DCLRE1C: variants seen among roughly 807,000 people sequenced by gnomAD.
The protein encoded by DCLRE1C is DNA cross-link repair 1C.
A neutral mutation model predicts 61.4 loss-of-function variants in DCLRE1C; 47 were observed. The ratio of observed to expected loss-of-function variants is 0.77; its 90% confidence interval spans 0.61 to 0.98. The LOEUF (loss-of-function observed/expected upper bound fraction) is 0.98. Ranked by LOEUF, DCLRE1C falls within the 50% of genes least tolerant of loss-of-function variation. The pLI, the probability that DCLRE1C is intolerant of heterozygous loss-of-function variation, is 0.00. For missense variants in DCLRE1C, 858 were observed against 816.0 expected, an observed-to-expected ratio of 1.05 and a Z score of -0.63; for synonymous variants, 337 against 287.6, an observed-to-expected ratio of 1.17 and a Z score of -1.74.
chr10:14,922,928 T>C lies in DCLRE1C; in HGVS notation c.1061+53A>G. 8 of 1,294,886 alleles carry C rather than the reference T, an allele frequency of 6.2e-6. 1 individual carries two copies. In the Admixed American group the frequency reaches 1.3e-4, roughly 22 times the overall value. The allele number at this position is 1,294,886 out of a possible 1,614,324, so 80.2% of individuals were successfully genotyped here. ...TTCAGGCAAACTCTCCTTTGTGTCCTAGCCAAGAGCCACCAAGGGGGACAC... is the reference window on the plus strand; with the variant it reads ...TTCAGGCAAACTCTCCTTTGTGTCCCAGCCAAGAGCCACCAAGGGGGACAC... On this transcript the variant is annotated intron_variant, in intron 12 of 13. Transcript: ENST00000378278.
At chr10:14,925,871 T>C (rs1281428762) in intron 11 of DCLRE1C, among the ~76,000 whole-genome samples, 4 of 152,220 alleles carry the variant, frequency 2.6e-5, no homozygotes, top group Non-Finnish European at 5.9e-5. Flanking sequence ...CATCTTGAAC[T>C]GTAGCTTCCA....
chr10:14,934,524 G>A lies in DCLRE1C; in HGVS notation c.538-4C>T, dbSNP rs1049747642. ...AGACTCCACTTAAACACTCCTCCTA[G>A]ACAGGATTTTAAAGAGACATTTAAC... is the stretch of plus-strand genomic sequence containing the variant. On this transcript the variant is annotated splice_region_variant and splice_polypyrimidine_tract_variant and intron_variant, in intron 7 of 13. Coordinates refer to ENST00000378278, the MANE Select transcript of DCLRE1C (RefSeq NM_001033855.3). The A allele has an allele frequency of 3.1e-6, 5 of 1,614,016 alleles. No individual in the cohort carries two copies. The highest frequency in any genetic ancestry group is 1.7e-5 in the Admixed American group (1 of 59,988).
At chr10:14,925,277 T>TCACTACTACTTCTCAGAGATGAAATGGCC (rs1837783576) in intron 11 of DCLRE1C, among the ~76,000 whole-genome samples, 1 of 149,962 alleles carries the variant, frequency 6.7e-6, no homozygotes, top group African/African-American at 2.5e-5. Context: ...CAGAAATGGT[T>TCACTACTACTTCTCAGAGATGAAATGGCC]CACTACTACT....
intron 4 of DCLRE1C, among the ~76,000 whole-genome samples, chr10:14,937,936 G>T (rs895723183): frequency 5.4e-4 from 82 of 151,426 alleles, no homozygotes; most frequent in African/African-American, 1.9e-3. Context: ...CCTGGATGAG[G>T]CCTGGTCCCG....
At chr10:14,902,603 G>T, downstream of DCLRE1C, 2 of 762,480 alleles carry the variant, frequency 2.6e-6, no homozygotes, top group East Asian at 2.9e-5. Context: ...TTATTATCAA[G>T]GTTCTACCTA....
At chr10:14,922,936 A>G (rs942283647) in intron 12 of DCLRE1C, 45 bp downstream of exon 12, 1 of 1,370,160 alleles carries the variant, frequency 7.3e-7, no homozygotes, top group Non-Finnish European at 1.0e-6. Context: ...CCTAGCCAAG[A>G]GCCACCAAGG....
chr10:14,940,582 C>A (rs1046361869), intron 3 of DCLRE1C, among the ~76,000 whole-genome samples: 1 of 152,042 alleles, frequency 6.6e-6, no homozygotes, highest in African/African-American at 2.4e-5. Context: ...GCCACCACAC[C>A]CAGCCTCATG....
intron 1 of DCLRE1C, among the ~76,000 whole-genome samples, chr10:14,950,425 G>A (rs960249412): frequency 2.7e-5 from 4 of 147,104 alleles, no homozygotes; most frequent in East Asian, 2.0e-4. Flanking sequence ...TAATTACCAC[G>A]AGCACCACCA....
intron 13 of DCLRE1C, among the ~76,000 whole-genome samples, chr10:14,918,643 AAG>A (rs1215837059): frequency 3.4e-4 from 51 of 151,976 alleles, no homozygotes; most frequent in African/African-American, 8.9e-4. Flanking sequence ...AAAAAAAAAA[AAG>A]AAAAAAACCT....
At chr10:14,936,109 G>C (rs1450257726) in intron 5 of DCLRE1C, among the ~76,000 whole-genome samples, 1 of 152,014 alleles carries the variant, frequency 6.6e-6, no homozygotes, top group Non-Finnish European at 1.5e-5. Flanking sequence ...GGCCAGGCTG[G>C]TCTTGAATTC....
intron 13 of DCLRE1C, among the ~76,000 whole-genome samples, chr10:14,911,547 T>C (rs1326565557): frequency 1.3e-5 from 2 of 151,630 alleles, no homozygotes; most frequent in Non-Finnish European, 2.9e-5. Context: ...AACATGGGAG[T>C]CAATTTTCAT....
At chr10:14,916,678 C>T (rs189192854) in intron 13 of DCLRE1C, among the ~76,000 whole-genome samples, 1 of 152,184 alleles carries the variant, frequency 6.6e-6, no homozygotes, top group Admixed American at 6.5e-5. Context: ...CAACAGTATC[C>T]CCCAAAATGA....
At chr10:14,945,247 C>T in intron 2 of DCLRE1C, 58 bp from the exon 3 acceptor site, 2 of 1,520,836 alleles carry the variant, frequency 1.3e-6, no homozygotes, top group Non-Finnish European at 1.8e-6. Context: ...ATCTTGGTGA[C>T]TAAGAAATCT....
rs749027910 is a variant in DCLRE1C, at chr10:14,908,675, A to G, written c.1812T>C (p.Asp604=). 8 of 1,614,054 alleles carry G rather than the reference A, an allele frequency of 5.0e-6. No homozygotes were observed. In the African/African-American group the frequency reaches 9.3e-5, roughly 19 times the overall value. The change falls in exon 14 of 14, where the codon GAT becomes GAC. Residue 604 remains aspartate, a synonymous_variant. Coordinates refer to ENST00000378278, the MANE Select transcript of DCLRE1C (RefSeq NM_001033855.3). The part of the protein sequence containing the change: ...NVICPKDTYS[D]LKSRDKDVTI... ...TCACATCTTTATCTCTGCTTTTCAAATCAGAGTAAGTATCCTTTGGGCAAA... is the reference window on the plus strand; with the variant it reads ...TCACATCTTTATCTCTGCTTTTCAAGTCAGAGTAAGTATCCTTTGGGCAAA...
At chr10:14,916,326 G>C (rs1836183841) in intron 13 of DCLRE1C, among the ~76,000 whole-genome samples, 1 of 152,052 alleles carries the variant, frequency 6.6e-6, no homozygotes, top group African/African-American at 2.4e-5. Context: ...ATCTTATATA[G>C]AAACCGCAAT....
Position 14,933,641 on chromosome 10 carries a change from G to GA in DCLRE1C, c.679-687dup, listed in dbSNP as rs960251886. Among the ~76,000 whole-genome samples the GA allele has an allele frequency of 7.4e-4, 105 of 141,140 alleles. 1 individual carries two copies. Among genetic ancestry groups the GA allele is most frequent in the African/African-American group, 2.0e-3 (76 of 38,506 alleles). 92.6% of individuals were successfully genotyped at this position (141,140 alleles called of 152,430 possible). On this transcript the variant is annotated intron_variant, in intron 8 of 13. Transcript: ENST00000378278. ...GACAGAGCAAGACAGTCTCAAAAAAGAAAAAAAAAAATCAAGAATCACCTT... is the reference window on the plus strand; with the variant it reads ...GACAGAGCAAGACAGTCTCAAAAAAGAAAAAAAAAAAATCAAGAATCACCTT...
chr10:14,946,927 T>G (rs1841787486), intron 2 of DCLRE1C, among the ~76,000 whole-genome samples: 1 of 152,110 alleles, frequency 6.6e-6, no homozygotes, highest in Non-Finnish European at 1.5e-5. Flanking sequence ...CTAAAGAGAC[T>G]TTTAGAGATA....
chr10:14,946,512 T>G (rs1034940859), intron 2 of DCLRE1C, among the ~76,000 whole-genome samples: 1 of 152,148 alleles, frequency 6.6e-6, no homozygotes, highest in African/African-American at 2.4e-5. Flanking sequence ...GTAATTACCT[T>G]CACCATAGAA....
exon 14 of DCLRE1C, chr10:14,898,251 C>A (rs1833742863): frequency 1.2e-5 from 1 of 81,404 alleles, no homozygotes; most frequent in South Asian, 4.2e-4. Context: ...ACTGTTATGT[C>A]CATTATTGTA....
Sources: allele counts gnomAD v4.1 joint callset (sites outside exome capture counted in the v4.1 genomes callset), GRCh38; gene constraint gnomAD v4.1.1; transcripts MANE v1.5; gene names NCBI Gene and HGNC (gene_info 2026-07-23, HGNC 2026-07-21).